MMP16: variants seen among roughly 807,000 people sequenced by gnomAD.
MMP16 encodes matrix metallopeptidase 16.
Under a neutral mutation model 67.8 loss-of-function variants are expected in MMP16, and 12 were observed. The observed-to-expected ratio is 0.18, with a 90% CI of 0.11 to 0.29. MMP16 has a LOEUF of 0.29. MMP16 is among the 10% of genes least tolerant of loss of function. The pLI is 1.00. For synonymous variants in MMP16, 249 were observed against 255.9 expected (o/e 0.97, Z 0.26); for missense variants, 475 against 765.7 (o/e 0.62, Z 4.48).
At chr8:88,145,519 T>C (rs540249586) in intron 4 of MMP16, among the ~76,000 whole-genome samples, 6 of 151,950 alleles carry the variant, frequency 3.9e-5, no homozygotes, top group Non-Finnish European at 7.4e-5. Flanking sequence ...AATAGAGAAA[T>C]AAGCTCAGAA....
At chr8:88,207,830 G>A (rs13261974) in intron 1 of MMP16, among the ~76,000 whole-genome samples, 46,772 of 151,992 alleles carry the variant, frequency 0.31, 8,832 homozygotes, top group East Asian at 0.54. Flanking sequence ...CTTGTATGTG[G>A]GTGCAGGATT....
chr8:88,141,085 C>A (rs28907598), intron 4 of MMP16, among the ~76,000 whole-genome samples: 1 of 152,248 alleles, frequency 6.6e-6, no homozygotes, highest in East Asian at 1.9e-4. Context: ...GAAAGGTACT[C>A]TCCATACGCA....
At chr8:88,239,173 T>C (rs1809993579) in intron 1 of MMP16, among the ~76,000 whole-genome samples, 1 of 150,858 alleles carries the variant, frequency 6.6e-6, no homozygotes, top group Non-Finnish European at 1.5e-5. Context: ...CGCTTGCTTA[T>C]AATCCCAGCT....
chr8:88,234,124 C>T (rs1398702029), intron 1 of MMP16, among the ~76,000 whole-genome samples: 1 of 152,158 alleles, frequency 6.6e-6, no homozygotes, highest in Non-Finnish European at 1.5e-5. Context: ...GATTTATGCT[C>T]ATTTTTATAG....
intron 6 of MMP16, among the ~76,000 whole-genome samples, chr8:88,081,291 G>A (rs1200042097): frequency 6.6e-6 from 1 of 152,142 alleles, no homozygotes; most frequent in African/African-American, 2.4e-5. Flanking sequence ...TTAAATAGCT[G>A]TTACTTTCAC....
rs757543386 is a variant in MMP16, at chr8:88,116,637, C to T, written c.953G>A (p.Arg318Lys). 6.2e-7 allele frequency: 1 copy of T among 1,613,822 alleles called. No individual in the cohort carries two copies. The highest frequency in any genetic ancestry group is 2.2e-5 in the East Asian group (1 of 44,816). ...PHRSIPPADP[R>K]KNDRPKPPRP... ...AGGAGGTTTTGGCCTGTCATTTTTCCTTGGGTCAGCCGGAGGAATAGAGCG... is the reference window on the plus strand; with the variant it reads ...AGGAGGTTTTGGCCTGTCATTTTTCTTTGGGTCAGCCGGAGGAATAGAGCG... Residue 318 changes from arginine to lysine, a missense_variant, in exon 6 of 10, where the codon AGG becomes AAG. This residue lies in a region of MMP16 where 195 missense variants were observed against 300.9 expected (regional missense o/e 0.65). Transcript: ENST00000286614.
intron 4 of MMP16, among the ~76,000 whole-genome samples, chr8:88,149,491 T>C (rs1214250329): frequency 6.6e-6 from 1 of 152,154 alleles, no homozygotes; most frequent in Non-Finnish European, 1.5e-5. Context: ...GCAGTGGTTC[T>C]CCCAGCACGC....
At chr8:88,144,359 T>G (rs1216035833) in intron 4 of MMP16, among the ~76,000 whole-genome samples, 1 of 151,822 alleles carries the variant, frequency 6.6e-6, no homozygotes, top group Admixed American at 6.6e-5. Flanking sequence ...AGTGCCAATT[T>G]TACTCTAAAA....
intron 1 of MMP16, among the ~76,000 whole-genome samples, chr8:88,237,509 G>A (rs1809960845): frequency 1.3e-5 from 2 of 151,984 alleles, no homozygotes; most frequent in South Asian, 2.1e-4. Context: ...TTAGCCGGGC[G>A]TAGTGGCGGG....
At chr8:88,272,395 ACAGAATC>A (rs749524733) in intron 1 of MMP16, among the ~76,000 whole-genome samples, 56 of 152,228 alleles carry the variant, frequency 3.7e-4, no homozygotes, top group Non-Finnish European at 6.6e-4. Flanking sequence ...ATGTGCTATA[ACAGAATC>A]CAGTAAACAG....
chr8:88,206,239 T>C (rs1348370764), intron 1 of MMP16, among the ~76,000 whole-genome samples: 1 of 152,100 alleles, frequency 6.6e-6, no homozygotes, highest in African/African-American at 2.4e-5. Flanking sequence ...AGCACTACCA[T>C]CCATTCTTGA....
chr8:88,148,869 G>A (rs538306742), intron 4 of MMP16, among the ~76,000 whole-genome samples: 11 of 152,290 alleles, frequency 7.2e-5, no homozygotes, highest in South Asian at 2.1e-4. Context: ...CAAGATGGCC[G>A]AATAGGAACA....
At chr8:88,153,452 A>C (rs1450529227) in intron 4 of MMP16, among the ~76,000 whole-genome samples, 12 of 152,066 alleles carry the variant, frequency 7.9e-5, no homozygotes, top group East Asian at 5.8e-4. Context: ...ATCACACTAC[A>C]TGACTTCAAA....
intron 3 of MMP16, among the ~76,000 whole-genome samples, chr8:88,171,126 A>T (rs1586187671): frequency 6.6e-6 from 1 of 152,188 alleles, no homozygotes; most frequent in South Asian, 2.1e-4. Context: ...AATGAAGCAA[A>T]ATAATATAAT....
intron 1 of MMP16, among the ~76,000 whole-genome samples, chr8:88,250,533 G>T (rs1304558422): frequency 2.0e-5 from 3 of 151,694 alleles, no homozygotes; most frequent in Admixed American, 6.6e-5. Flanking sequence ...AAGCATAAAG[G>T]GATCACAACT....
At chr8:88,232,081 C>G (rs1809868490) in intron 1 of MMP16, among the ~76,000 whole-genome samples, 1 of 152,190 alleles carries the variant, frequency 6.6e-6, no homozygotes, top group East Asian at 1.9e-4. Context: ...GGTTATCATA[C>G]ATTTACTTCC....
At position 88,197,268 on chromosome 8, in the gene MMP16, G is replaced by T; in HGVS notation, c.171C>A (p.Asp57Glu). 6.3e-7 allele frequency: 1 copy of T among 1,592,376 alleles called. No homozygotes were observed. Among genetic ancestry groups the T allele is most frequent in the East Asian group, 2.3e-5 (1 of 43,696 alleles). Residue 57 changes from aspartate to glutamate, a missense_variant, in exon 2 of 10, where the codon GAC becomes GAA. Around this residue, in one of 5 missense-constraint regions of MMP16, gnomAD observed 170 missense variants for 239.6 expected, o/e 0.71. Coordinates refer to ENST00000286614, the MANE Select transcript of MMP16 (RefSeq NM_005941.5). ...CAGAGCGCAGCACTGACATTCTGGG[G>T]TCAGTCGGTGGAAGGTAGCCGTACT... Reference protein sequence around the residue: ...LQKYGYLPPTDPRMSVLRSAE... With the variant: ...LQKYGYLPPTEPRMSVLRSAE...
At chr8:88,072,609 A>G (rs7826929) in intron 7 of MMP16, among the ~76,000 whole-genome samples, 27,688 of 152,026 alleles carry the variant, frequency 0.18, 2,854 homozygotes, top group South Asian at 0.26. Context: ...AAACGAAATT[A>G]TTGCTGTTGT....
At chr8:88,250,995 T>C (rs1810209107) in intron 1 of MMP16, among the ~76,000 whole-genome samples, 1 of 150,130 alleles carries the variant, frequency 6.7e-6, no homozygotes, top group Non-Finnish European at 1.5e-5. Context: ...ATCTCATTGT[T>C]CAATTCCCAC....
Sources: allele counts gnomAD v4.1 joint callset (sites outside exome capture counted in the v4.1 genomes callset), GRCh38; gene constraint gnomAD v4.1.1; regional missense constraint gnomAD v4.1.1; transcripts MANE v1.5; gene names NCBI Gene and HGNC (gene_info 2026-07-23, HGNC 2026-07-21).